ADAM22: variants seen among roughly 807,000 people sequenced by gnomAD.
ADAM22 encodes ADAM metallopeptidase domain 22.
A neutral mutation model predicts 144.6 loss-of-function variants in ADAM22; 65 were observed. That is an observed-to-expected ratio of 0.45 (90% CI 0.37 to 0.55). The LOEUF is 0.55. Among genes scored for constraint, ADAM22 ranks in the 20% least tolerant of loss-of-function variants. ADAM22 has a pLI of 0.00. For synonymous variants in ADAM22, 391 were observed against 412.6 expected, an observed-to-expected ratio of 0.95 and a Z score of 0.63; for missense variants, 974 against 1,184.9, an observed-to-expected ratio of 0.82 and a Z score of 2.61.
rs371961163 is a variant in ADAM22, at chr7:88,193,195, C to G, written c.2830C>G (p.Pro944Ala). The G allele has an allele frequency of 6.2e-7, 1 of 1,614,064 alleles. No individual in the cohort carries two copies. Among genetic ancestry groups the G allele is most frequent in the East Asian group, 2.2e-5 (1 of 44,870 alleles). The change falls in exon 31 of 32, where the codon CCA becomes GCA. Residue 944 changes from proline (P) to alanine (A), a missense_variant. Physicochemically the swap from Pro to Ala is conservative, Grantham distance 27. Around this residue, in one of 2 missense-constraint regions of ADAM22, gnomAD observed 734 missense variants for 950.6 expected, o/e 0.77. Transcript: ENST00000413139. ...SSRKYPYPMP[P>A]LPDEDKKVNR... ...CAGAAAATACCCTTACCCAATGCCT[C>G]CACTTCCTGATGAGGACAAGAAAGT...
chr7:87,953,820 G>A (rs1342482841), intron 2 of ADAM22, among the ~76,000 whole-genome samples: 4 of 152,122 alleles, frequency 2.6e-5, no homozygotes, highest in African/African-American at 9.7e-5. Flanking sequence ...ATGAATCTGG[G>A]TGCTCCTGTT....
rs921903894 is a variant in ADAM22, at chr7:88,108,264, T to C, written c.473+6T>C. 2 of 1,611,544 alleles carry C rather than the reference T, an allele frequency of 1.2e-6. No homozygotes were observed. Among genetic ancestry groups the C allele is most frequent in the African/African-American group, 2.7e-5 (2 of 74,766 alleles). On this transcript the variant is annotated splice_donor_region_variant and intron_variant, in intron 5 of 31. Coordinates refer to ENST00000413139, the MANE Select transcript of ADAM22 (RefSeq NM_001324418.2). ...TCAACATGCCACGGACTTCAGTAAG[T>C]GTTCAAAAAGTTATTTTTACTGTTT...
chr7:88,054,258 C>T (rs756473422), intron 3 of ADAM22, among the ~76,000 whole-genome samples: 1 of 152,122 alleles, frequency 6.6e-6, no homozygotes, highest in African/African-American at 2.4e-5. Context: ...AAAGGGAATA[C>T]ATAATTTATA....
intron 4 of ADAM22, among the ~76,000 whole-genome samples, chr7:88,101,169 G>C (rs559741540): frequency 6.6e-6 from 1 of 151,746 alleles, no homozygotes; most frequent in Admixed American, 6.6e-5. Context: ...TATGGGGTGA[G>C]GCTGTGAATT....
rs1009224164 is a variant in ADAM22 at position 88,166,100 on chromosome 7, A to G, written c.2191+154A>G. Among the ~76,000 whole-genome samples the G allele has an allele frequency of 2.0e-5, 3 of 152,132 alleles. 1 individual carries two copies. The highest frequency in any genetic ancestry group is 3.2e-3 in the Middle Eastern group (1 of 316). On this transcript the variant is annotated intron_variant, in intron 24 of 31. Coordinates refer to ENST00000413139, the MANE Select transcript of ADAM22 (RefSeq NM_001324418.2). Reference sequence around the variant, plus strand: ...TGGGGTCCATTTTATGAAACTGATTATGTCCATTAAATTGTAATGATATGT... The same window carrying G: ...TGGGGTCCATTTTATGAAACTGATTGTGTCCATTAAATTGTAATGATATGT...
intron 22 of ADAM22, among the ~76,000 whole-genome samples, chr7:88,160,334 C>A (rs1841235077): frequency 6.6e-6 from 1 of 152,094 alleles, no homozygotes; most frequent in Admixed American, 6.6e-5. Flanking sequence ...ACTGCCAAAG[C>A]AATTTACAGA....
intron 3 of ADAM22, among the ~76,000 whole-genome samples, chr7:88,036,018 C>T (rs1195911242): frequency 1.3e-5 from 2 of 152,180 alleles, no homozygotes; most frequent in African/African-American, 4.8e-5. Context: ...ATAATACTTA[C>T]ATGTAATCAT....
At chr7:88,069,637 T>C (rs1461897320) in intron 3 of ADAM22, among the ~76,000 whole-genome samples, 1 of 152,202 alleles carries the variant, frequency 6.6e-6, no homozygotes, top group Non-Finnish European at 1.5e-5. Context: ...CTGAAAAATC[T>C]TATTCCATTA....
At chr7:88,167,978 T>C (rs977328681) in intron 24 of ADAM22, among the ~76,000 whole-genome samples, 159 bp from the exon 25 acceptor site, 18 of 152,222 alleles carry the variant, frequency 1.2e-4, no homozygotes, top group South Asian at 6.2e-4. Context: ...ACAACTGATA[T>C]GGATTGCTGA....
rs1436863812 is a variant in ADAM22, at chr7:88,202,134, A to G, written c.*5643A>G. Reference sequence around the variant, plus strand: ...CTAGAAACCCCACTTTTCTTTTCTAATCCAGCACAAAATCAAACTCTGATT... The same window carrying G: ...CTAGAAACCCCACTTTTCTTTTCTAGTCCAGCACAAAATCAAACTCTGATT... On this transcript the variant is annotated 3_prime_UTR_variant, in exon 32 of 32. Transcript: ENST00000413139. 3.9e-5 allele frequency: 6 copies of G among 152,174 alleles called. No homozygotes were observed. Among genetic ancestry groups the G allele is most frequent in the Admixed American group, 3.9e-4 (6 of 15,274 alleles). The allele number at this position is 152,174 out of a possible 1,614,324, so 9.4% of individuals were successfully genotyped here. A position where few individuals can be genotyped will look rare whatever the true frequency, so the allele number is the denominator to read the frequency against.
intron 3 of ADAM22, among the ~76,000 whole-genome samples, chr7:88,070,557 G>T (rs1812465228): frequency 6.6e-6 from 1 of 152,066 alleles, no homozygotes; most frequent in African/African-American, 2.4e-5. Flanking sequence ...TCATTTGTTT[G>T]CTTCTTATGC....
At chr7:88,108,038 A>G (rs908551547) in intron 4 of ADAM22, 138 bp from the exon 5 acceptor site, 1 of 613,768 alleles carries the variant, frequency 1.6e-6, no homozygotes, top group South Asian at 2.4e-5. Flanking sequence ...AAAAGATTTG[A>G]TAATGCTAAT....
At chr7:88,093,721 A>G (rs1820537857) in intron 4 of ADAM22, among the ~76,000 whole-genome samples, 1 of 151,958 alleles carries the variant, frequency 6.6e-6, no homozygotes, top group Non-Finnish European at 1.5e-5. Flanking sequence ...TAATTTTTGT[A>G]TTTTTAGTGG....
chr7:88,159,775 T>C (rs1841046436), intron 22 of ADAM22, among the ~76,000 whole-genome samples: 1 of 152,136 alleles, frequency 6.6e-6, no homozygotes, highest in Admixed American at 6.5e-5. Flanking sequence ...GAGCCATCTA[T>C]GACAAACCCA....
intron 20 of ADAM22, among the ~76,000 whole-genome samples, chr7:88,151,774 C>T (rs1360984526): frequency 6.6e-6 from 1 of 152,086 alleles, no homozygotes; most frequent in Non-Finnish European, 1.5e-5. Flanking sequence ...TTTTCTTAAA[C>T]TCTAGTTGGC....
chr7:87,985,507 A>G (rs1788261376), intron 3 of ADAM22, among the ~76,000 whole-genome samples: 1 of 152,114 alleles, frequency 6.6e-6, no homozygotes. Flanking sequence ...GCCCAATGCA[A>G]TCACTAATCT....
At chr7:88,177,294 G>T (rs904772515) in intron 26 of ADAM22, among the ~76,000 whole-genome samples, 1 of 151,688 alleles carries the variant, frequency 6.6e-6, no homozygotes, top group African/African-American at 2.4e-5. Flanking sequence ...AGCACTAATG[G>T]AATATTTTAC....
At chr7:88,134,194 A>G (rs990730512) in intron 12 of ADAM22, 135 bp from the exon 13 acceptor site, 1 of 597,904 alleles carries the variant, frequency 1.7e-6, no homozygotes, top group Non-Finnish European at 2.8e-6. Context: ...AGTGCTGGCT[A>G]CAGTGTGTTC....
At chr7:88,042,262 G>T (rs1451804999) in intron 3 of ADAM22, among the ~76,000 whole-genome samples, 1 of 152,050 alleles carries the variant, frequency 6.6e-6, no homozygotes, top group Non-Finnish European at 1.5e-5. Flanking sequence ...CCATTTTGCA[G>T]AGGGTTTGAA....
Sources: gnomAD v4.1 joint callset for allele counts (sites outside exome capture counted in the v4.1 genomes callset) on GRCh38, gnomAD v4.1.1 for gene constraint, gnomAD v4.1.1 regional missense constraint, MANE v1.5 for transcripts, NCBI Gene and HGNC (gene_info 2026-07-23, HGNC 2026-07-21) for gene names.